Variants in HEMK2 observed in about 807,000 individuals in gnomAD.
HEMK2 encodes HemK methyltransferase 2, ETF1 glutamine and histone H4 lysine.
chr21:28,849,341 G>C, the HEMK2 span, among the ~76,000 whole-genome samples: 1 of 151,684 alleles, frequency 6.6e-6, no homozygotes, highest in Non-Finnish European at 1.5e-5. Context: ...AAAGATAAAA[G>C]CAAAAAAACA....
chr21:28,885,178 C>T, the HEMK2 span: 1 of 1,519,294 alleles, frequency 6.6e-7, no homozygotes, highest in Admixed American at 1.9e-5. Flanking sequence ...AAAGCCGCAA[C>T]CCTTTCCCGT....
At chr21:28,827,122 C>G in the HEMK2 span, among the ~76,000 whole-genome samples, 1 of 152,070 alleles carries the variant, frequency 6.6e-6, no homozygotes, top group Non-Finnish European at 1.5e-5. Flanking sequence ...AATGCCAGAC[C>G]CCATGCTAGG....
chr21:28,735,224 G>T, the HEMK2 span, among the ~76,000 whole-genome samples: 1 of 152,200 alleles, frequency 6.6e-6, no homozygotes, highest in Non-Finnish European at 1.5e-5. Flanking sequence ...CTAGCTCATA[G>T]TTCTGTAACT....
chr21:28,831,455 A>AAAAG, the HEMK2 span, among the ~76,000 whole-genome samples: 1 of 57,042 alleles, frequency 1.8e-5, no homozygotes, highest in South Asian at 5.6e-4. Context: ...AAAAAGAAAG[A>AAAAG]AAAGAACGAA....
At chr21:28,774,397 G>A in the HEMK2 span, among the ~76,000 whole-genome samples, 1 of 152,122 alleles carries the variant, frequency 6.6e-6, no homozygotes, top group African/African-American at 2.4e-5. Context: ...AGACCAGGCT[G>A]GGCAACATGG....
chr21:28,866,209 C>T, the HEMK2 span, among the ~76,000 whole-genome samples: 61 of 146,162 alleles, frequency 4.2e-4, no homozygotes, highest in African/African-American at 1.4e-3. Context: ...GGCATAGTGG[C>T]CCGTACCTGT....
the HEMK2 span, among the ~76,000 whole-genome samples, chr21:28,696,486 G>A: frequency 6.6e-6 from 1 of 152,214 alleles, no homozygotes; most frequent in Non-Finnish European, 1.5e-5. Context: ...GGGTAGCTCT[G>A]CCCCTGTGGC....
chr21:28,640,907 A>T, the HEMK2 span, among the ~76,000 whole-genome samples: 2 of 152,198 alleles, frequency 1.3e-5, no homozygotes. Flanking sequence ...CACAGTGCTA[A>T]GTATGTATGA....
the HEMK2 span, among the ~76,000 whole-genome samples, chr21:28,764,419 G>T: frequency 6.6e-6 from 1 of 151,966 alleles, no homozygotes; most frequent in Non-Finnish European, 1.5e-5. Flanking sequence ...CAAAAAATCA[G>T]CAAAAGAAGA....
At chr21:28,669,634 C>T in the HEMK2 span, among the ~76,000 whole-genome samples, 1 of 152,132 alleles carries the variant, frequency 6.6e-6, no homozygotes, top group Admixed American at 6.6e-5. Flanking sequence ...GACAGGACCC[C>T]AGAGTTACAC....
the HEMK2 span, among the ~76,000 whole-genome samples, chr21:28,677,256 C>T: frequency 5.3e-5 from 8 of 152,344 alleles, no homozygotes; most frequent in Non-Finnish European, 5.9e-5. Flanking sequence ...TTATATCCCA[C>T]GCCTGGCTCG....
At chr21:28,707,827 T>A in the HEMK2 span, among the ~76,000 whole-genome samples, 2 of 152,180 alleles carry the variant, frequency 1.3e-5, no homozygotes, top group African/African-American at 4.8e-5. Flanking sequence ...AAAGGGTATA[T>A]GTATATCAAA....
At chr21:28,620,660 C>CTTTTTTTT in the HEMK2 span, among the ~76,000 whole-genome samples, 496 of 49,658 alleles carry the variant, frequency 1.0e-2, 101 homozygotes, top group African/African-American at 0.011. Flanking sequence ...TCTCTCTTTT[C>CTTTTTTTT]TTTTTTTTTT....
the HEMK2 span, among the ~76,000 whole-genome samples, chr21:28,637,324 A>T: frequency 1.3e-5 from 2 of 152,022 alleles, no homozygotes; most frequent in African/African-American, 2.4e-5. Context: ...ATTCCTATTG[A>T]TGTGTTCATA....
At chr21:28,781,415 G>T in the HEMK2 span, among the ~76,000 whole-genome samples, 1 of 152,122 alleles carries the variant, frequency 6.6e-6, no homozygotes, top group Non-Finnish European at 1.5e-5. Flanking sequence ...CGCCATGCCA[G>T]AGTTCCCAAT....
chr21:28,720,141 G>C, the HEMK2 span, among the ~76,000 whole-genome samples: 2 of 152,202 alleles, frequency 1.3e-5, no homozygotes, highest in Non-Finnish European at 2.9e-5. Flanking sequence ...CTGAGCTACA[G>C]TATTGTTGGC....
At chr21:28,686,396 G>A in the HEMK2 span, among the ~76,000 whole-genome samples, 3 of 151,806 alleles carry the variant, frequency 2.0e-5, no homozygotes, top group South Asian at 2.1e-4. Flanking sequence ...CACTGTGCCC[G>A]GCTAATTTTT....
At chr21:28,578,418 C>T in the HEMK2 span, among the ~76,000 whole-genome samples, 1 of 152,194 alleles carries the variant, frequency 6.6e-6, no homozygotes, top group Non-Finnish European at 1.5e-5. Context: ...GATGGTTGAA[C>T]ATCCAACACC....
At chr21:28,827,745 T>G in the HEMK2 span, among the ~76,000 whole-genome samples, 2 of 152,264 alleles carry the variant, frequency 1.3e-5, no homozygotes, top group African/African-American at 4.8e-5. Context: ...TGTATTCTAC[T>G]GTTATAATTG....
Sources: gnomAD v4.1 joint callset for allele counts (sites outside exome capture counted in the v4.1 genomes callset) on GRCh38, gnomAD v4.1.1 for gene constraint, MANE v1.5 for transcripts, NCBI Gene and HGNC (gene_info 2026-07-23, HGNC 2026-07-21) for gene names.